The following GNG12 variants were observed in gnomAD, a reference collection of about 807,000 sequenced individuals.
GNG12 encodes guanine nucleotide-binding protein G(I)/G(S)/G(O) subunit gamma-12.
For missense variants in GNG12, 69 were observed against 83.8 expected (o/e 0.82, Z 0.69); for synonymous variants, 28 against 29.7 (o/e 0.94, Z 0.19).
chr1:67,798,724 G>A (rs556580027), intron 1 of GNG12, among the ~76,000 whole-genome samples: 3 of 152,132 alleles, frequency 2.0e-5, no homozygotes, highest in Non-Finnish European at 4.4e-5. Flanking sequence ...GGTTGGCTGA[G>A]GTGGGTGGAT....
chr1:67,798,932 G>A (rs1194298725), intron 1 of GNG12, among the ~76,000 whole-genome samples: 3 of 151,730 alleles, frequency 2.0e-5, no homozygotes, highest in Admixed American at 6.6e-5. Flanking sequence ...CCAGCCTGGC[G>A]GCAGAGCAAG....
At chr1:67,781,341 A>G (rs1221625950) in intron 1 of GNG12, among the ~76,000 whole-genome samples, 2 of 152,304 alleles carry the variant, frequency 1.3e-5, no homozygotes, top group Admixed American at 1.3e-4. Flanking sequence ...TCCTTACATG[A>G]TAAGAAATAA....
At position 67,764,873 on chromosome 1, in the gene GNG12, C is replaced by T. The variant is rs112749694; in HGVS notation, c.-27+12585G>A. The stretch of plus-strand genomic sequence containing the variant: ...ACCTCTGGACTTTGTCAGAGTGAGT[C>T]AAGTAGCAAGAACACAGAGGAATCG... On this transcript the variant is annotated intron_variant, in intron 2 of 3. Transcript: ENST00000370982. Among the ~76,000 whole-genome samples the T allele has an allele frequency of 2.6e-3, 389 of 152,278 alleles. 1 individual carries two copies. Among genetic ancestry groups the T allele is most frequent in the African/African-American group, 8.9e-3 (369 of 41,552 alleles).
At chr1:67,830,776 AACACAC>A (rs1452877499) in intron 1 of GNG12, among the ~76,000 whole-genome samples, 2 of 151,890 alleles carry the variant, frequency 1.3e-5, no homozygotes. Flanking sequence ...CACACACACA[AACACAC>A]ACACACCAGT....
At chr1:67,736,161 G>A (rs1320396592) in intron 2 of GNG12, among the ~76,000 whole-genome samples, 1 of 152,070 alleles carries the variant, frequency 6.6e-6, no homozygotes, top group Non-Finnish European at 1.5e-5. Flanking sequence ...AGGAACTGTG[G>A]GAGAAGAACT....
intron 1 of GNG12, among the ~76,000 whole-genome samples, chr1:67,801,127 G>A (rs1646862097): frequency 6.6e-6 from 1 of 152,168 alleles, no homozygotes; most frequent in South Asian, 2.1e-4. Context: ...AACCTCAGTT[G>A]AGTAGCGTCT....
intron 2 of GNG12, among the ~76,000 whole-genome samples, chr1:67,712,461 TG>T (rs1315395215): frequency 4.6e-5 from 7 of 152,066 alleles, no homozygotes; most frequent in Non-Finnish European, 1.0e-4. Flanking sequence ...GAGGCCAAGG[TG>T]GGAGGAACAC....
intron 2 of GNG12, among the ~76,000 whole-genome samples, chr1:67,728,693 G>A (rs558076626): frequency 1.2e-4 from 18 of 152,250 alleles, no homozygotes; most frequent in African/African-American, 4.1e-4. Context: ...CTTCACAATT[G>A]GGGACCAGCT....
chr1:67,810,539 T>C, intron 1 of GNG12, among the ~76,000 whole-genome samples: 1 of 152,190 alleles, frequency 6.6e-6, no homozygotes, highest in East Asian at 1.9e-4. Flanking sequence ...TACTTTCTGC[T>C]CAATTCTGCT....
At chr1:67,832,938 C>T (rs1647057602) in intron 1 of GNG12, among the ~76,000 whole-genome samples, 1 of 152,206 alleles carries the variant, frequency 6.6e-6, no homozygotes, top group African/African-American at 2.4e-5. Context: ...CAACCCGGCG[C>T]GGGGCGCACG....
At chr1:67,778,069 A>T (rs905858280) in intron 1 of GNG12, among the ~76,000 whole-genome samples, 2 of 149,520 alleles carry the variant, frequency 1.3e-5, no homozygotes, top group African/African-American at 4.9e-5. Flanking sequence ...ATTTAATAAT[A>T]GATTAACAAT....
chr1:67,797,160 A>G (rs72641150), intron 1 of GNG12, among the ~76,000 whole-genome samples: 36,454 of 152,134 alleles, frequency 0.24, 4,551 homozygotes, highest in Middle Eastern at 0.41. Context: ...TCAGATAGTC[A>G]GCTTCCTACC....
At chr1:67,705,863 A>G (rs935930872) in intron 3 of GNG12, among the ~76,000 whole-genome samples, 2 of 152,208 alleles carry the variant, frequency 1.3e-5, no homozygotes, top group Non-Finnish European at 2.9e-5. Flanking sequence ...CCGCCAGCTA[A>G]TGAGCTAGCA....
At chr1:67,757,963 C>T (rs1468565496) in intron 2 of GNG12, among the ~76,000 whole-genome samples, 1 of 152,030 alleles carries the variant, frequency 6.6e-6, no homozygotes, top group African/African-American at 2.4e-5. Flanking sequence ...TTTAGTTTGG[C>T]TTTGGGTTTC....
chr1:67,787,036 AGTGTGTGTGTGTGT>A (rs56084524), intron 1 of GNG12, among the ~76,000 whole-genome samples: 1 of 131,368 alleles, frequency 7.6e-6, no homozygotes, highest in African/African-American at 3.1e-5. Context: ...TATGTGTATA[AGTGTGTGTGTGTGT>A]GTGTGTGTGT....
chr1:67,808,798 A>T (rs1646907549), intron 1 of GNG12, among the ~76,000 whole-genome samples: 1 of 152,192 alleles, frequency 6.6e-6, no homozygotes, highest in African/African-American at 2.4e-5. Flanking sequence ...ATATCTAAGA[A>T]GATCTAAATG....
chr1:67,715,262 C>T (rs556402116), intron 2 of GNG12, among the ~76,000 whole-genome samples: 25 of 152,260 alleles, frequency 1.6e-4, no homozygotes, highest in Admixed American at 5.2e-4. Flanking sequence ...TCAGAAGCGG[C>T]CAACCCTGCC....
intron 2 of GNG12, among the ~76,000 whole-genome samples, chr1:67,729,041 G>A (rs1646403701): frequency 6.6e-6 from 1 of 152,170 alleles, no homozygotes; most frequent in South Asian, 2.1e-4. Flanking sequence ...CACTGATACT[G>A]CTACCCTGGA....
At chr1:67,785,033 T>C (rs1646760201) in intron 1 of GNG12, among the ~76,000 whole-genome samples, 1 of 152,134 alleles carries the variant, frequency 6.6e-6, no homozygotes, top group Non-Finnish European at 1.5e-5. Context: ...ACAACCAGAC[T>C]CTGAATCCCT....
Sources: allele counts gnomAD v4.1 joint callset (sites outside exome capture counted in the v4.1 genomes callset), GRCh38; gene constraint gnomAD v4.1.1; transcripts MANE v1.5; gene names NCBI Gene and HGNC (gene_info 2026-07-23, HGNC 2026-07-21).